The following VIRMA variants were observed in gnomAD, a reference collection of about 807,000 sequenced individuals.
VIRMA encodes protein virilizer homolog.
A neutral mutation model predicts 182.4 loss-of-function variants in VIRMA; 65 were observed. That is an observed-to-expected ratio of 0.36 (90% CI 0.29 to 0.44). The LOEUF (loss-of-function observed/expected upper bound fraction) is 0.44, where lower values mean the gene tolerates loss of function less well. Ranked by LOEUF, VIRMA falls within the 20% of genes least tolerant of loss-of-function variation. The probability of loss-of-function intolerance (pLI) is 1.00; values close to 1 mark genes in which losing one functional copy is unlikely to be tolerated. For synonymous variants in VIRMA, 709 were observed against 743.1 expected (o/e 0.95, Z 0.75); for missense variants, 1,752 against 2,158.1 (o/e 0.81, Z 3.73).
intron 4 of VIRMA, among the ~76,000 whole-genome samples, chr8:94,536,820 A>T (rs1305944116): frequency 6.6e-6 from 1 of 152,196 alleles, no homozygotes; most frequent in Non-Finnish European, 1.5e-5. Flanking sequence ...CCTACTAAAA[A>T]TACAAAAAAT....
intron 1 of VIRMA, among the ~76,000 whole-genome samples, chr8:94,549,040 G>GC (rs1176937023): frequency 6.6e-6 from 1 of 152,156 alleles, no homozygotes; most frequent in Non-Finnish European, 1.5e-5. Flanking sequence ...AGGCACACAT[G>GC]CCACCACACC....
chr8:94,535,991 T>C (rs1335647634), intron 4 of VIRMA, among the ~76,000 whole-genome samples: 1 of 152,168 alleles, frequency 6.6e-6, no homozygotes. Context: ...CATTCCCTTT[T>C]AAGAAATAAG....
At chr8:94,518,317 T>C (rs1314437277) in intron 9 of VIRMA, among the ~76,000 whole-genome samples, 1 of 152,226 alleles carries the variant, frequency 6.6e-6, no homozygotes, top group Non-Finnish European at 1.5e-5. Context: ...TATGATCACC[T>C]GCCTTCAACA....
At chr8:94,522,350 T>C (rs538417143) in intron 8 of VIRMA, among the ~76,000 whole-genome samples, 1 of 152,334 alleles carries the variant, frequency 6.6e-6, no homozygotes, top group African/African-American at 2.4e-5. Context: ...CTCTGGAAGC[T>C]TGCAACTGGT....
chr8:94,491,433 C>A, intron 22 of VIRMA, 145 bp downstream of exon 22: 1 of 710,622 alleles, frequency 1.4e-6, no homozygotes, highest in Non-Finnish European at 2.3e-6. Flanking sequence ...GAGTACTCTG[C>A]AAACAGTACC....
chr8:94,549,362 C>A (rs946885220), intron 1 of VIRMA, among the ~76,000 whole-genome samples: 1 of 152,172 alleles, frequency 6.6e-6, no homozygotes, highest in African/African-American at 2.4e-5. Flanking sequence ...TTTGTTCTGA[C>A]TTGTATTGCC....
At chr8:94,531,542 A>G (rs1286755477) in intron 5 of VIRMA, among the ~76,000 whole-genome samples, 1 of 152,224 alleles carries the variant, frequency 6.6e-6, no homozygotes, top group African/African-American at 2.4e-5. Context: ...AATACTTGTC[A>G]TCATTTCAGA....
At chr8:94,493,404 T>C (rs1278684644) in intron 20 of VIRMA, among the ~76,000 whole-genome samples, 1 of 152,236 alleles carries the variant, frequency 6.6e-6, no homozygotes, top group Non-Finnish European at 1.5e-5. Flanking sequence ...GTTAAAAAAT[T>C]AGTAACTTTT....
In VIRMA at chr8:94,534,456, G is replaced by A. The variant is rs199819479; in HGVS notation, c.484+383C>T. 3.3e-4 allele frequency: 67 copies of A among 200,422 alleles called. 1 individual carries two copies. The East Asian group carries it at 9.2e-3, about 28-fold the overall frequency. The allele number at this position is 200,422 out of a possible 1,614,324, so 12.4% of individuals were successfully genotyped here. A position where few individuals can be genotyped will look rare whatever the true frequency, so the allele number is the denominator to read the frequency against. On this transcript the variant is annotated intron_variant, in intron 5 of 23. Coordinates refer to ENST00000297591, the MANE Select transcript of VIRMA (RefSeq NM_015496.5). ...AAATGTCACCACTTCAACATAAAAA[G>A]AAACTCTTAGACAAGAATGGGAGAC...
At chr8:94,539,127 G>A (rs966941935) in intron 2 of VIRMA, among the ~76,000 whole-genome samples, 6 of 149,606 alleles carry the variant, frequency 4.0e-5, no homozygotes, top group Admixed American at 6.7e-5. Flanking sequence ...GGCTGGTCTC[G>A]AGCTCCTGTG....
chr8:94,488,927 C>G, intron 23 of VIRMA, 67 bp from the exon 24 acceptor site: 1 of 1,531,386 alleles, frequency 6.5e-7, no homozygotes, highest in Non-Finnish European at 8.9e-7. Flanking sequence ...AAATACTAAT[C>G]TACGACACTG....
chr8:94,514,507 C>T (rs1037467055), intron 11 of VIRMA, among the ~76,000 whole-genome samples: 1 of 152,094 alleles, frequency 6.6e-6, no homozygotes, highest in Non-Finnish European at 1.5e-5. Context: ...GAGTGAAATT[C>T]TTTTTCAGAA....
At position 94,488,159 on chromosome 8, in the gene VIRMA, T is replaced by C. The variant is rs1181468679; in HGVS notation, c.*547A>G. ...TTATATTCCTTTCTATAACAACATATCTTTACAAAACTGGGTTTTCAGCAG... is the reference window on the plus strand; with the variant it reads ...TTATATTCCTTTCTATAACAACATACCTTTACAAAACTGGGTTTTCAGCAG... On this transcript the variant is annotated 3_prime_UTR_variant, in exon 24 of 24. Transcript: ENST00000297591. The C allele has an allele frequency of 6.6e-6, 1 of 152,274 alleles. No individual in the cohort carries two copies. The highest frequency in any genetic ancestry group is 2.4e-5 in the African/African-American group (1 of 41,446). The allele number at this position is 152,274 out of a possible 1,614,324, so 9.4% of individuals were successfully genotyped here. A position where few individuals can be genotyped will look rare whatever the true frequency, so the allele number is the denominator to read the frequency against.
rs757971408 is a variant in VIRMA, at chr8:94,506,733, A to G, written c.3880-16T>C. ...GTGCAATGTCCTGTGGGGAGCAGGG[A>G]AAAAAAAATCGATTTTTTAAATAAT... On this transcript the variant is annotated splice_polypyrimidine_tract_variant and intron_variant, in intron 15 of 23. Transcript: ENST00000297591. 80 of 1,489,856 alleles carry G rather than the reference A, an allele frequency of 5.4e-5. No individual in the cohort carries two copies. The South Asian group carries it at 6.1e-4, about 11-fold the overall frequency. The allele number at this position is 1,489,856 out of a possible 1,614,324, so 92.3% of individuals were successfully genotyped here.
chr8:94,505,088 T>C (rs537657098), intron 16 of VIRMA, among the ~76,000 whole-genome samples: 166 of 152,050 alleles, frequency 1.1e-3, no homozygotes, highest in African/African-American at 3.4e-3. Flanking sequence ...ATCTTGGCAA[T>C]AGGAAAAAGG....
chr8:94,500,679 G>A (rs1423448651), intron 16 of VIRMA, among the ~76,000 whole-genome samples: 1 of 144,158 alleles, frequency 6.9e-6, no homozygotes, highest in Non-Finnish European at 1.5e-5. Context: ...TTTTTGAGAC[G>A]GAGTCTCCGG....
intron 4 of VIRMA, among the ~76,000 whole-genome samples, chr8:94,535,943 A>G (rs1233823577): frequency 6.6e-6 from 1 of 152,212 alleles, no homozygotes; most frequent in Non-Finnish European, 1.5e-5. Context: ...TATCTACATT[A>G]ATAGCTACAT....
At chr8:94,515,125 C>T (rs1439515332) in intron 10 of VIRMA, among the ~76,000 whole-genome samples, 174 bp from the exon 11 acceptor site, 3 of 147,228 alleles carry the variant, frequency 2.0e-5, no homozygotes, top group East Asian at 2.0e-4. Flanking sequence ...GACGGAGTTT[C>T]GCTCTTGTTG....
intron 1 of VIRMA, among the ~76,000 whole-genome samples, chr8:94,549,706 T>A (rs1378979715): frequency 6.6e-6 from 1 of 152,224 alleles, no homozygotes; most frequent in African/African-American, 2.4e-5. Context: ...GAAAAATGTA[T>A]GATGGTGGAT....
Sources: gnomAD v4.1 joint callset for allele counts (sites outside exome capture counted in the v4.1 genomes callset) on GRCh38, gnomAD v4.1.1 for gene constraint, MANE v1.5 for transcripts, NCBI Gene and HGNC (gene_info 2026-07-23, HGNC 2026-07-21) for gene names.